TRABD2A: variants seen among roughly 807,000 people sequenced by gnomAD.
The protein encoded by TRABD2A is TraB domain containing 2A.
In TRABD2A, 43 loss-of-function variants were observed where a neutral mutation model predicts 45.6. The ratio of observed to expected loss-of-function variants is 0.94; its 90% CI spans 0.74 to 1.22. The LOEUF is 1.22. Ranked by LOEUF, TRABD2A falls within the 50% of genes most tolerant of loss-of-function variation. TRABD2A has a pLI of 0.00. For missense variants in TRABD2A, 642 were observed against 652.4 expected, an observed-to-expected ratio of 0.98 and a Z score of 0.17; for synonymous variants, 269 against 265.0, an observed-to-expected ratio of 1.02 and a Z score of -0.15.
intron 1 of TRABD2A, chr2:84,875,109 C>A: frequency 6.0e-6 from 1 of 167,128 alleles, no homozygotes; most frequent in Non-Finnish European, 1.3e-5. Flanking sequence ...GAAAACATTT[C>A]AATAAGGGAT....
At chr2:84,853,203 C>T (rs748022219) in intron 2 of TRABD2A, among the ~76,000 whole-genome samples, 6 of 151,822 alleles carry the variant, frequency 4.0e-5, no homozygotes, top group East Asian at 3.9e-4. Context: ...AAACACCCAC[C>T]GAGAACACCA....
chr2:84,880,933 T>TG lies in TRABD2A; in HGVS notation c.106dup (p.Gln36ProfsTer13). 1.3e-6 allele frequency: 2 copies of TG among 1,592,244 alleles called. No homozygotes were observed. Among genetic ancestry groups the TG allele is most frequent in the Non-Finnish European group, 1.7e-6 (2 of 1,170,060 alleles). ...TCCAGCACCCGACGCGCGCCTTACT[T>TG]GGGGCTTGAGCTCGCAGTTGGCGGT... On this transcript the variant is annotated frameshift_variant and splice_region_variant, in exon 1 of 7. Transcript: ENST00000409520. LOFTEE classifies it high-confidence loss of function.
chr2:84,869,884 C>G (rs2105408219), intron 2 of TRABD2A, among the ~76,000 whole-genome samples: 1 of 147,252 alleles, frequency 6.8e-6, no homozygotes, highest in East Asian at 2.0e-4. Flanking sequence ...GAGGCTGAGA[C>G]AGGAGAAATG....
At chr2:84,853,308 A>C (rs773000123) in intron 2 of TRABD2A, among the ~76,000 whole-genome samples, 12 of 151,986 alleles carry the variant, frequency 7.9e-5, no homozygotes, top group Non-Finnish European at 1.2e-4. Flanking sequence ...GGTTTAATTG[A>C]CTCACGGTTT....
intron 4 of TRABD2A, chr2:84,838,338 G>A: frequency 1.4e-6 from 1 of 690,192 alleles, no homozygotes; most frequent in Non-Finnish European, 2.7e-6. Flanking sequence ...AACACTTCTA[G>A]GATTGTTGCA....
In TRABD2A at chr2:84,838,773, T is replaced by C. The variant is rs140099965; in HGVS notation, c.991+376A>G. On this transcript the variant is annotated intron_variant, in intron 4 of 6. Coordinates refer to ENST00000409520, the MANE Select transcript of TRABD2A (RefSeq NM_001277053.2). The stretch of plus-strand genomic sequence containing the variant: ...ATGTATCAGCCCCAGGCCTTGGACT[T>C]GGGAGGCTCATTGTCAGGTAGAAGA... Among the ~76,000 whole-genome samples, 1,128 of 152,332 alleles carry C rather than the reference T, an allele frequency of 7.4e-3. 21 individuals carry two copies. The highest frequency in any genetic ancestry group is 0.026 in the African/African-American group (1,061 of 41,562).
chr2:84,860,440 T>G (rs1682459870), intron 2 of TRABD2A, among the ~76,000 whole-genome samples: 1 of 152,156 alleles, frequency 6.6e-6, no homozygotes, highest in African/African-American at 2.4e-5. Flanking sequence ...CATGTGCAAG[T>G]CAAGGAGAGA....
At chr2:84,847,422 T>C (rs1032757437) in intron 2 of TRABD2A, among the ~76,000 whole-genome samples, 1 of 152,136 alleles carries the variant, frequency 6.6e-6, no homozygotes, top group Non-Finnish European at 1.5e-5. Flanking sequence ...ACCAGTTAAG[T>C]TGACCCCAGG....
chr2:84,866,620 G>A (rs1322628356), intron 2 of TRABD2A, among the ~76,000 whole-genome samples: 2 of 151,022 alleles, frequency 1.3e-5, no homozygotes, highest in Admixed American at 1.3e-4. Flanking sequence ...TCTCATGGTA[G>A]GCACTGTATG....
rs189429128 is a variant in TRABD2A at position 84,871,635 on chromosome 2, C to A, written c.109-850G>T. Among the ~76,000 whole-genome samples the A allele has an allele frequency of 2.6e-5, 4 of 152,136 alleles. No individual in the cohort carries two copies. The South Asian group carries it at 8.3e-4, about 32-fold the overall frequency. On this transcript the variant is annotated intron_variant, in intron 1 of 6. Transcript: ENST00000409520. ...CTGAGTAGCTGGGACTACTGGCACT[C>A]GCCACCACGCCCAGCTAATTTTTGT...
intron 2 of TRABD2A, among the ~76,000 whole-genome samples, chr2:84,864,188 G>A (rs1682597599): frequency 6.6e-6 from 1 of 152,124 alleles, no homozygotes; most frequent in Non-Finnish European, 1.5e-5. Flanking sequence ...GGAATCCAGA[G>A]ATTCATTCCT....
chr2:84,871,686 C>T (rs1682875694), intron 1 of TRABD2A, among the ~76,000 whole-genome samples: 1 of 152,110 alleles, frequency 6.6e-6, no homozygotes, highest in South Asian at 2.1e-4. Flanking sequence ...GGGGTTTCAC[C>T]ATATTGGCCA....
intron 2 of TRABD2A, among the ~76,000 whole-genome samples, chr2:84,855,362 C>T (rs1174628518): frequency 1.3e-5 from 2 of 152,090 alleles, no homozygotes; most frequent in African/African-American, 4.8e-5. Flanking sequence ...TTAATTTTCC[C>T]CTTGGAAAAC....
chr2:84,838,992 G>T, intron 4 of TRABD2A, 157 bp downstream of exon 4: 1 of 786,392 alleles, frequency 1.3e-6, no homozygotes, highest in Non-Finnish European at 2.0e-6. Context: ...ATCCCCAGCT[G>T]GAGCCACTCT....
intron 2 of TRABD2A, chr2:84,851,081 A>G (rs755454114): frequency 8.5e-5 from 13 of 152,264 alleles, no homozygotes; most frequent in Non-Finnish European, 1.3e-4. Flanking sequence ...CATTCTTGCT[A>G]CCTGCAAAAG....
intron 2 of TRABD2A, 145 bp downstream of exon 2, chr2:84,870,080 T>G: frequency 1.2e-6 from 1 of 858,650 alleles, no homozygotes; most frequent in Non-Finnish European, 1.8e-6. Context: ...CCACTTGGCT[T>G]TTTTTTTAAC....
At chr2:84,826,531 CTTTTG>C (rs964727390) in intron 5 of TRABD2A, among the ~76,000 whole-genome samples, 2 of 152,094 alleles carry the variant, frequency 1.3e-5, no homozygotes, top group East Asian at 1.9e-4. Flanking sequence ...TCTATGCCAT[CTTTTG>C]TTTTGTTTTG....
At chr2:84,874,782 T>G (rs1212748455) in intron 1 of TRABD2A, 3 of 244,828 alleles carry the variant, frequency 1.2e-5, no homozygotes, top group South Asian at 6.1e-5. Context: ...GTCTGAGGAC[T>G]ACAGTGAAAC....
chr2:84,829,270 A>G (rs1380812639), intron 5 of TRABD2A, among the ~76,000 whole-genome samples: 1 of 151,970 alleles, frequency 6.6e-6, no homozygotes, highest in Non-Finnish European at 1.5e-5. Flanking sequence ...AATCTCCTAG[A>G]GAGCTTCTAA....
Sources: allele counts gnomAD v4.1 joint callset (sites outside exome capture counted in the v4.1 genomes callset), GRCh38; gene constraint gnomAD v4.1.1; transcripts MANE v1.5; gene names NCBI Gene and HGNC (gene_info 2026-07-23, HGNC 2026-07-21).